PTPRK: variants seen among roughly 807,000 people sequenced by gnomAD.
The protein encoded by PTPRK is receptor-type tyrosine-protein phosphatase kappa.
Under a neutral mutation model 178.0 loss-of-function variants are expected in PTPRK, and 75 were observed. The ratio of observed to expected loss-of-function variants is 0.42; its 90% CI spans 0.35 to 0.51. PTPRK has a LOEUF of 0.51. Among genes scored for constraint, PTPRK ranks in the 20% least tolerant of loss-of-function variants. The pLI is 0.02. For missense variants in PTPRK, 1,441 were observed against 1,797.8 expected (o/e 0.80, Z 3.59); for synonymous variants, 637 against 620.6 (o/e 1.03, Z -0.39).
intron 8 of PTPRK, among the ~76,000 whole-genome samples, chr6:128,086,019 T>C (rs1344730544): frequency 2.0e-5 from 3 of 152,314 alleles, no homozygotes; most frequent in East Asian, 1.9e-4. Flanking sequence ...GTAAATACTA[T>C]ATGAAGTTAC....
intron 19 of PTPRK, among the ~76,000 whole-genome samples, 193 bp from the exon 20 acceptor site, chr6:127,991,584 T>G (rs1399277555): frequency 1.8e-5 from 1 of 54,206 alleles, no homozygotes; most frequent in Admixed American, 1.8e-4. Flanking sequence ...TATACAAGTT[T>G]TTTTTTTTTT....
chr6:128,152,230 A>C (rs1199215082), intron 7 of PTPRK, among the ~76,000 whole-genome samples: 1 of 152,030 alleles, frequency 6.6e-6, no homozygotes, highest in Non-Finnish European at 1.5e-5. Context: ...GAGAGTTAAG[A>C]GAATGGTTAG....
At chr6:128,148,804 AATG>A (rs1423336432) in intron 7 of PTPRK, among the ~76,000 whole-genome samples, 1 of 152,182 alleles carries the variant, frequency 6.6e-6, no homozygotes, top group African/African-American at 2.4e-5. Context: ...TCTGCTTAAA[AATG>A]ATATGTCCAG....
chr6:128,340,728 A>G, intron 2 of PTPRK: 1 of 443,614 alleles, frequency 2.3e-6, no homozygotes. Context: ...CAAAAATGCA[A>G]ATAGATTTAA....
At chr6:128,099,719 A>G (rs1788477578) in intron 7 of PTPRK, among the ~76,000 whole-genome samples, 1 of 152,116 alleles carries the variant, frequency 6.6e-6, no homozygotes, top group Non-Finnish European at 1.5e-5. Context: ...TTCAGGGAAT[A>G]GAGAGACAGA....
At chr6:128,034,745 A>G (rs9482859) in intron 13 of PTPRK, among the ~76,000 whole-genome samples, 36,946 of 152,040 alleles carry the variant, frequency 0.24, 6,337 homozygotes, top group African/African-American at 0.49. Flanking sequence ...GAAGGGTTAG[A>G]CAATCAGAAG....
chr6:128,207,659 C>T (rs748075185), intron 6 of PTPRK, among the ~76,000 whole-genome samples: 5 of 151,964 alleles, frequency 3.3e-5, no homozygotes, highest in Admixed American at 1.3e-4. Context: ...ATTTCAAAAA[C>T]GTTTCACAAT....
intron 25 of PTPRK, among the ~76,000 whole-genome samples, chr6:127,979,117 T>TA (rs200769825): frequency 0.015 from 2,166 of 149,260 alleles, 64 homozygotes; most frequent in African/African-American, 0.05. Flanking sequence ...CAAAAAATAA[T>TA]AAAAAAAAAA....
At chr6:128,212,090 TTTTA>T (rs1808299880) in intron 6 of PTPRK, among the ~76,000 whole-genome samples, 1 of 152,054 alleles carries the variant, frequency 6.6e-6, no homozygotes, top group African/African-American at 2.4e-5. Context: ...GTAGACTATT[TTTTA>T]TTTGTTAGGA....
intron 13 of PTPRK, among the ~76,000 whole-genome samples, chr6:128,028,896 A>G (rs1186201410): frequency 6.6e-6 from 1 of 151,990 alleles, no homozygotes; most frequent in Non-Finnish European, 1.5e-5. Flanking sequence ...CCATAATTCT[A>G]CTCCCCAATT....
At chr6:128,403,431 G>C (rs901972346) in intron 1 of PTPRK, among the ~76,000 whole-genome samples, 1 of 152,078 alleles carries the variant, frequency 6.6e-6, no homozygotes, top group Non-Finnish European at 1.5e-5. Context: ...ACACAGCCTG[G>C]AGTAATGGCT....
intron 13 of PTPRK, among the ~76,000 whole-genome samples, chr6:128,012,976 T>G (rs181370390): frequency 6.6e-6 from 1 of 151,352 alleles, no homozygotes; most frequent in Non-Finnish European, 1.5e-5. Flanking sequence ...TCCCAATCAT[T>G]CTTTAAAATC....
At chr6:128,312,899 C>G (rs1446819600) in intron 3 of PTPRK, among the ~76,000 whole-genome samples, 22 of 152,050 alleles carry the variant, frequency 1.4e-4, no homozygotes, top group Admixed American at 1.4e-3. Flanking sequence ...CTCATCCAAT[C>G]AATTCTTGGA....
intron 1 of PTPRK, among the ~76,000 whole-genome samples, chr6:128,484,823 GAATC>G (rs1852582523): frequency 1.3e-5 from 2 of 152,134 alleles, no homozygotes; most frequent in Admixed American, 1.3e-4. Context: ...TGTTCAAATC[GAATC>G]ACATTTTTAA....
At chr6:128,175,715 T>C (rs1800963383) in intron 7 of PTPRK, among the ~76,000 whole-genome samples, 1 of 151,858 alleles carries the variant, frequency 6.6e-6, no homozygotes, top group African/African-American at 2.4e-5. Flanking sequence ...TAATGAGTTT[T>C]TTTCTAAATT....
chr6:128,067,391 C>A, intron 12 of PTPRK, 128 bp downstream of exon 12: 1 of 1,092,256 alleles, frequency 9.2e-7, no homozygotes, highest in Non-Finnish European at 1.2e-6. Flanking sequence ...CTGTTGAGAA[C>A]AGAACCCCCT....
chr6:128,168,792 G>A (rs1375744738), intron 7 of PTPRK, among the ~76,000 whole-genome samples: 1 of 152,024 alleles, frequency 6.6e-6, no homozygotes, highest in African/African-American at 2.4e-5. Context: ...GTTGGGGACC[G>A]CTGCACTACA....
intron 3 of PTPRK, among the ~76,000 whole-genome samples, chr6:128,261,378 A>G (rs1250283176): frequency 6.6e-6 from 1 of 152,238 alleles, no homozygotes; most frequent in Non-Finnish European, 1.5e-5. Context: ...TTTCCAAACT[A>G]GCACTTAAGA....
In PTPRK at chr6:128,482,842, T is replaced by C. The variant is rs921707457; in HGVS notation, c.100+37417A>G. Among the ~76,000 whole-genome samples, 19 of 152,180 alleles carry C rather than the reference T, an allele frequency of 1.2e-4. 1 individual carries two copies. The highest frequency in any genetic ancestry group is 4.3e-4 in the African/African-American group (18 of 41,432). On this transcript the variant is annotated intron_variant, in intron 1 of 29. Transcript: ENST00000368226. ...CAGGAGGGATCAGATAGCATCTGTCTCTTACAAGCAAAGGCATTAAGCCAA... is the reference window on the plus strand; with the variant it reads ...CAGGAGGGATCAGATAGCATCTGTCCCTTACAAGCAAAGGCATTAAGCCAA...
Sources: gnomAD v4.1 joint callset for allele counts (sites outside exome capture counted in the v4.1 genomes callset) on GRCh38, gnomAD v4.1.1 for gene constraint, MANE v1.5 for transcripts, NCBI Gene and HGNC (gene_info 2026-07-23, HGNC 2026-07-21) for gene names.